The following RIMS1 variants were observed in gnomAD, a reference collection of about 807,000 sequenced individuals.
RIMS1 encodes regulating synaptic membrane exocytosis protein 1.
Under a neutral mutation model 214.1 loss-of-function variants are expected in RIMS1, and 83 were observed. That is an observed-to-expected ratio of 0.39 (90% CI 0.32 to 0.47). The LOEUF is 0.47. RIMS1 is among the 20% of genes least tolerant of loss of function. The pLI is 0.99. For missense variants in RIMS1, 2,050 were observed against 2,161.8 expected (o/e 0.95, Z 1.03); for synonymous variants, 793 against 786.8 (o/e 1.01, Z -0.13).
chr6:72,020,852 C>T (rs925551337), intron 2 of RIMS1, among the ~76,000 whole-genome samples: 3 of 152,098 alleles, frequency 2.0e-5, no homozygotes, highest in Admixed American at 6.6e-5. Flanking sequence ...ACTGAATTTA[C>T]CCACATTTTA....
At chr6:72,048,435 CA>C (rs143860261) in intron 2 of RIMS1, among the ~76,000 whole-genome samples, 3,479 of 152,144 alleles carry the variant, frequency 0.023, 59 homozygotes, top group Middle Eastern at 0.048. Flanking sequence ...TTAAAGCTGA[CA>C]ATAATATGTT....
rs138224579 is a variant in RIMS1 at position 72,013,607 on chromosome 6, T to C, written c.245+44544T>C. On this transcript the variant is annotated intron_variant, in intron 2 of 33. Transcript: ENST00000521978. ...AGCAGTTTGCCTAAGGAGACAGCAG[T>C]GACGTTTATAAGGCTAGGTCTGTCA... 2.0e-5 allele frequency among the ~76,000 whole-genome samples: 3 copies of C among 152,322 alleles called. No individual in the cohort carries two copies. In the East Asian group the frequency reaches 5.8e-4, roughly 29 times the overall value.
rs1006766926 is a variant in RIMS1, at chr6:72,123,212, C to T, written c.471+23226C>T. 2.0e-5 allele frequency among the ~76,000 whole-genome samples: 3 copies of T among 151,888 alleles called. No homozygotes were observed. The East Asian group carries it at 5.8e-4, about 29-fold the overall frequency. On this transcript the variant is annotated intron_variant, in intron 4 of 33. Coordinates refer to ENST00000521978, the MANE Select transcript of RIMS1 (RefSeq NM_014989.7). The stretch of plus-strand genomic sequence containing the variant: ...GTTTCAAAGAACATCTTTATTTCTG[C>T]CTTCATTTCGTTATTTACCCAGTAA...
intron 4 of RIMS1, among the ~76,000 whole-genome samples, chr6:72,147,247 A>C (rs1419705457): frequency 6.6e-6 from 1 of 152,226 alleles, no homozygotes; most frequent in Non-Finnish European, 1.5e-5. Context: ...TTAGTCAATT[A>C]ATTAGAGCTC....
At chr6:72,285,092 T>C (rs2091827135) in intron 24 of RIMS1, among the ~76,000 whole-genome samples, 1 of 152,098 alleles carries the variant, frequency 6.6e-6, no homozygotes, top group East Asian at 1.9e-4. Context: ...GAAAATAAAA[T>C]TGGAGAAATT....
At chr6:71,931,760 A>G (rs1319148500) in intron 1 of RIMS1, among the ~76,000 whole-genome samples, 4 of 151,900 alleles carry the variant, frequency 2.6e-5, no homozygotes, top group Non-Finnish European at 5.9e-5. Flanking sequence ...ATTAGATCCC[A>G]TTTGTCAATT....
chr6:71,899,675 C>A (rs1772985601), intron 1 of RIMS1, among the ~76,000 whole-genome samples: 1 of 152,102 alleles, frequency 6.6e-6, no homozygotes, highest in South Asian at 2.1e-4. Context: ...TTACCTTTTG[C>A]ACCCACAGCC....
At chr6:72,020,204 C>A (rs1814184752) in intron 2 of RIMS1, among the ~76,000 whole-genome samples, 1 of 152,136 alleles carries the variant, frequency 6.6e-6, no homozygotes, top group African/African-American at 2.4e-5. Context: ...TTAATAATTG[C>A]TACTAATACT....
chr6:72,358,761 T>C (rs1259523005), intron 29 of RIMS1, among the ~76,000 whole-genome samples: 1 of 152,124 alleles, frequency 6.6e-6, no homozygotes, highest in African/African-American at 2.4e-5. Context: ...GAAAGACACC[T>C]TTTGCATTGT....
At chr6:72,087,334 C>T (rs1260394034) in intron 2 of RIMS1, among the ~76,000 whole-genome samples, 1 of 151,998 alleles carries the variant, frequency 6.6e-6, no homozygotes, top group Admixed American at 6.6e-5. Context: ...AAATTAGTGC[C>T]CTTCACAGAC....
intron 1 of RIMS1, among the ~76,000 whole-genome samples, chr6:71,908,054 T>A (rs371846655): frequency 6.6e-6 from 1 of 152,272 alleles, no homozygotes; most frequent in African/African-American, 2.4e-5. Context: ...GGGCAAAGTG[T>A]TTCTGTTTAC....
intron 1 of RIMS1, among the ~76,000 whole-genome samples, chr6:71,920,214 A>G (rs1779587583): frequency 6.6e-6 from 1 of 152,234 alleles, no homozygotes; most frequent in Admixed American, 6.5e-5. Flanking sequence ...TGGTTTAAAA[A>G]TCAGTTGCAC....
intron 1 of RIMS1, among the ~76,000 whole-genome samples, chr6:71,904,851 A>G (rs574663504): frequency 6.6e-5 from 10 of 152,278 alleles, no homozygotes; most frequent in African/African-American, 2.4e-4. Context: ...ACACTTGCAA[A>G]TGCCTGTGAG....
chr6:71,951,636 A>G (rs1370226193), intron 1 of RIMS1, among the ~76,000 whole-genome samples: 8 of 148,326 alleles, frequency 5.4e-5, no homozygotes, highest in Non-Finnish European at 8.9e-5. Flanking sequence ...GTAGGACCAC[A>G]GTTGTGCACC....
intron 2 of RIMS1, among the ~76,000 whole-genome samples, chr6:72,015,291 A>C (rs1407839146): frequency 6.6e-6 from 1 of 152,162 alleles, no homozygotes; most frequent in African/African-American, 2.4e-5. Context: ...GTGCTCAAAA[A>C]GTTTTTGATT....
chr6:72,161,740 G>A lies in RIMS1; in HGVS notation c.472-17835G>A, dbSNP rs536095482. 3.5e-5 allele frequency among the ~76,000 whole-genome samples: 5 copies of A among 141,048 alleles called. 1 individual carries two copies. Among genetic ancestry groups the A allele is most frequent in the East Asian group, 2.0e-4 (1 of 4,962 alleles). The allele number at this position is 141,048 out of a possible 152,430, so 92.5% of individuals were successfully genotyped here. A position where few individuals can be genotyped will look rare whatever the true frequency, so the allele number is the denominator to read the frequency against. On this transcript the variant is annotated intron_variant, in intron 4 of 33. Coordinates refer to ENST00000521978, the MANE Select transcript of RIMS1 (RefSeq NM_014989.7). ...GCCTGAGTTCTAGTTTGATTGCACT[G>A]TGGTCTGAGAGACAGTTTGTTGTGA...
rs1171521723 is a variant in RIMS1 at position 72,097,021 on chromosome 6, G to C, written c.318G>C (p.Gln106His). 6.2e-7 allele frequency: 1 copy of C among 1,613,960 alleles called. No homozygotes were observed. Among genetic ancestry groups the C allele is most frequent in the South Asian group, 1.1e-5 (1 of 91,072 alleles). ...RKIGEEARRY[Q>H]GEHKDDAPTC... ...TAGGGGAAGAAGCGCGGCGTTACCA[G>C]GGCGAGCACAAAGACGATGCTCCGA... The change falls in exon 3 of 34, where the codon CAG (glutamine) becomes CAC (histidine). Residue 106 changes from glutamine to histidine, a missense_variant. This residue lies in a region of RIMS1 where 882 missense variants were observed against 828.9 expected (regional missense o/e 1.06). Transcript: ENST00000521978.
chr6:72,352,355 T>C (rs771775627), intron 29 of RIMS1, among the ~76,000 whole-genome samples: 3 of 152,194 alleles, frequency 2.0e-5, no homozygotes, highest in Admixed American at 2.0e-4. Context: ...ATTATCATCA[T>C]TTTATTTAGA....
At chr6:72,139,071 C>A (rs2041755433) in intron 4 of RIMS1, among the ~76,000 whole-genome samples, 1 of 152,110 alleles carries the variant, frequency 6.6e-6, no homozygotes, top group South Asian at 2.1e-4. Context: ...TGTAGATACA[C>A]ACACGTAGGT....
Sources: allele counts gnomAD v4.1 joint callset (sites outside exome capture counted in the v4.1 genomes callset), GRCh38; gene constraint gnomAD v4.1.1; regional missense constraint gnomAD v4.1.1; transcripts MANE v1.5; gene names NCBI Gene and HGNC (gene_info 2026-07-23, HGNC 2026-07-21).